TLCD5: variants seen among roughly 807,000 people sequenced by gnomAD.
TLCD5 encodes the protein TLC domain-containing protein 5.
In TLCD5, 15 loss-of-function variants were observed where a neutral mutation model predicts 20.5. The ratio of observed to expected loss-of-function variants is 0.73; its 90% CI spans 0.49 to 1.13. TLCD5 has a LOEUF of 1.13. Among genes scored for constraint, TLCD5 ranks in the 50% most tolerant of loss-of-function variants. TLCD5 has a pLI of 0.00. For synonymous variants in TLCD5, 107 were observed against 114.7 expected (o/e 0.93, Z 0.43); for missense variants, 289 against 305.6 (o/e 0.95, Z 0.41).
chr11:120,327,013 C>G (rs1178760198), intron 1 of TLCD5: 1 of 248,484 alleles, frequency 4.0e-6, no homozygotes, highest in Non-Finnish European at 7.8e-6. Context: ...CTAGCAGAAA[C>G]CAACGTGGCA....
rs1323568143 is a variant in TLCD5, at chr11:120,331,884, A to G, written c.*1369A>G. ...GCAGTTTAGATTTCAGCTCTGCTGT[A>G]CATATTGCAAACTAGAGCCAAAGAC... On this transcript the variant is annotated 3_prime_UTR_variant, in exon 3 of 3. Transcript: ENST00000375095. This position sits in a 1 kb window ranked among gnomAD's most constrained non-coding sequence, Gnocchi z 4.5. 2.6e-5 allele frequency: 4 copies of G among 152,222 alleles called. No individual in the cohort carries two copies. The highest frequency in any genetic ancestry group is 9.7e-5 in the African/African-American group (4 of 41,444). 9.4% of individuals were successfully genotyped at this position (152,222 alleles called of 1,614,324 possible).
Position 120,330,330 on chromosome 11 carries a change from G to A in TLCD5, c.553G>A (p.Val185Ile). The change falls in exon 3 of 3, where the codon GTC becomes ATC. Residue 185 changes from valine (V) to isoleucine (I), a missense_variant. Physicochemically the swap from Val to Ile is conservative, Grantham distance 29 (BLOSUM62 3). Coordinates refer to ENST00000375095, the MANE Select transcript of TLCD5 (RefSeq NM_001198671.2). ...AGCTTGCCTCCTTTTCTGTGAAATG[G>A]TCTCCCCCACGCCTAAGTGGTTTGT... ...VGACLLFCEM[V>I]SPTPKWFVKA... is the part of the protein sequence containing the mutation. The A allele has an allele frequency of 6.2e-7, 1 of 1,600,790 alleles. No individual in the cohort carries two copies. The highest frequency in any genetic ancestry group is 8.5e-7 in the Non-Finnish European group (1 of 1,172,568).
chr11:120,327,144 T>C, intron 1 of TLCD5: 1 of 556,902 alleles, frequency 1.8e-6, no homozygotes, highest in East Asian at 3.0e-5. Context: ...TAGAGGGTTA[T>C]TATTGACATT....
chr11:120,327,613 G>A lies in TLCD5; in HGVS notation c.172G>A (p.Asp58Asn). 1 of 1,614,136 alleles carries A rather than the reference G, an allele frequency of 6.2e-7. No homozygotes were observed. The highest frequency in any genetic ancestry group is 8.5e-7 in the Non-Finnish European group (1 of 1,180,028). ...IGLSAYIGFI[D>N]GPWPFTHPGS... ...CCTCTCCGCTTATATTGGCTTCATT[G>A]ATGGCCCATGGCCTTTTACCCACCC... Residue 58 changes from aspartate (D) to asparagine (N), a missense_variant, in exon 2 of 3, where the codon GAT becomes AAT. Asp to Asn is a conservative substitution (Grantham distance 23). Coordinates refer to ENST00000375095, the MANE Select transcript of TLCD5 (RefSeq NM_001198671.2).
At chr11:120,327,343 A>G (rs1263498019) in intron 1 of TLCD5, 98 bp from the exon 2 acceptor site, 1 of 1,592,870 alleles carries the variant, frequency 6.3e-7, no homozygotes, top group Admixed American at 1.7e-5. Flanking sequence ...TTTTTGAACT[A>G]TTCTATAATA....
chr11:120,325,880 A>T (rs775862944), intron 1 of TLCD5, among the ~76,000 whole-genome samples: 48 of 152,244 alleles, frequency 3.2e-4, no homozygotes, highest in Admixed American at 1.1e-3. Context: ...GTGTTTGTAA[A>T]TGGGCTACTG....
In TLCD5 at chr11:120,330,748, A is replaced by G. The variant is rs1368007280; in HGVS notation, c.*233A>G. 1.5e-5 allele frequency: 7 copies of G among 462,074 alleles called. No individual in the cohort carries two copies. In the Admixed American group the frequency reaches 2.6e-4, roughly 17 times the overall value. The allele number at this position is 462,074 out of a possible 1,614,324, so 28.6% of individuals were successfully genotyped here. On this transcript the variant is annotated 3_prime_UTR_variant, in exon 3 of 3. Coordinates refer to ENST00000375095, the MANE Select transcript of TLCD5 (RefSeq NM_001198671.2). ...ACTCCATGGTAGTTGGGAATAAGTG[A>G]GAACTGTGAAGTGAGTACAACTGGC...
chr11:120,325,552 G>A (rs1941977282), intron 1 of TLCD5, among the ~76,000 whole-genome samples, 184 bp downstream of exon 1: 1 of 152,114 alleles, frequency 6.6e-6, no homozygotes, highest in Admixed American at 6.5e-5. Flanking sequence ...GGATAACGGT[G>A]CCTGGCTCCG....
Position 120,328,917 on chromosome 11 carries a change from A to T in TLCD5, c.200-1060A>T, listed in dbSNP as rs867434237. The stretch of plus-strand genomic sequence containing the variant: ...AATCCCTTCTAAGGATAACAGTCAT[A>T]GTGTGTGTGTGTGTGTGTGTGTGTG... On this transcript the variant is annotated intron_variant, in intron 2 of 2. Coordinates refer to ENST00000375095, the MANE Select transcript of TLCD5 (RefSeq NM_001198671.2). Among the ~76,000 whole-genome samples the T allele has an allele frequency of 9.0e-4, 29 of 32,290 alleles. 1 individual carries two copies. The South Asian group carries it at 0.025, about 28-fold the overall frequency. 21.2% of individuals were successfully genotyped at this position (32,290 alleles called of 152,430 possible).
intron 2 of TLCD5, 64 bp downstream of exon 2, chr11:120,327,704 T>C (rs1164102351): frequency 2.7e-6 from 4 of 1,493,718 alleles, no homozygotes; most frequent in Non-Finnish European, 3.6e-6. Flanking sequence ...TATGGGACTT[T>C]TAAACAGAAT....
At chr11:120,328,228 C>T (rs982733418) in intron 2 of TLCD5, among the ~76,000 whole-genome samples, 2 of 151,930 alleles carry the variant, frequency 1.3e-5, no homozygotes, top group Non-Finnish European at 2.9e-5. Flanking sequence ...TACAGGTGCC[C>T]GCCACCATGC....
intron 2 of TLCD5, among the ~76,000 whole-genome samples, chr11:120,329,435 A>T (rs781782303): frequency 3.6e-4 from 55 of 152,186 alleles, no homozygotes; most frequent in Non-Finnish European, 7.1e-4. Flanking sequence ...GGTTTCAAAT[A>T]TGTCAGGTCC....
At chr11:120,328,298 G>T (rs1480390790) in intron 2 of TLCD5, among the ~76,000 whole-genome samples, 1 of 151,958 alleles carries the variant, frequency 6.6e-6, no homozygotes, top group East Asian at 1.9e-4. Context: ...AGTCAGGATG[G>T]TCTCGATCTC....
At chr11:120,327,954 A>C (rs1170101571) in intron 2 of TLCD5, among the ~76,000 whole-genome samples, 2 of 152,192 alleles carry the variant, frequency 1.3e-5, no homozygotes, top group African/African-American at 2.4e-5. Context: ...TGTATCATAC[A>C]TATTTTTGGC....
intron 2 of TLCD5, among the ~76,000 whole-genome samples, chr11:120,328,754 C>CA (rs1942063886): frequency 6.9e-6 from 1 of 144,090 alleles, no homozygotes; most frequent in African/African-American, 2.6e-5. Flanking sequence ...CTAAGGATAA[C>CA]AGTCATATTG....
chr11:120,328,677 TAGTGTG>T (rs1565399938), intron 2 of TLCD5, among the ~76,000 whole-genome samples: 6 of 91,764 alleles, frequency 6.5e-5, no homozygotes, highest in African/African-American at 3.0e-4. Context: ...ATAACAGTCA[TAGTGTG>T]TGTGTGTGTG....
rs1565404047 is a variant in TLCD5 at position 120,333,550 on chromosome 11, G to T, written c.*3035G>T. 1 of 152,152 alleles carries T rather than the reference G, an allele frequency of 6.6e-6. No individual in the cohort carries two copies. The highest frequency in any genetic ancestry group is 1.5e-5 in the Non-Finnish European group (1 of 68,030). The allele number at this position is 152,152 out of a possible 1,614,324, so 9.4% of individuals were successfully genotyped here. A position where few individuals can be genotyped will look rare whatever the true frequency, so the allele number is the denominator to read the frequency against. On this transcript the variant is annotated 3_prime_UTR_variant, in exon 3 of 3. Coordinates refer to ENST00000375095, the MANE Select transcript of TLCD5 (RefSeq NM_001198671.2). This position sits in a 1 kb window ranked among gnomAD's most constrained non-coding sequence, Gnocchi z 4.5. ...TAAATGAAGGGCTAATTAATGTGTG[G>T]TATACTTGGACAAAATGAAGTACTC...
chr11:120,328,922 GTGTGTGTGTGTGTGTGTGTGTGTT>G (rs1942078464), intron 2 of TLCD5, among the ~76,000 whole-genome samples: 3 of 137,620 alleles, frequency 2.2e-5, no homozygotes, highest in Admixed American at 7.0e-5. Flanking sequence ...GTCATAGTGT[GTGTGTGTGTGTGTGTGTGTGTGTT>G]TGTGTATGTT....
intron 2 of TLCD5, 114 bp from the exon 3 acceptor site, chr11:120,329,863 T>C (rs1159494872): frequency 9.7e-7 from 1 of 1,029,120 alleles, no homozygotes; most frequent in Non-Finnish European, 1.4e-6. Flanking sequence ...GTGCCTGCTA[T>C]TGTTTTTGTT....
Sources: gnomAD v4.1 joint callset for allele counts (sites outside exome capture counted in the v4.1 genomes callset) on GRCh38, gnomAD v4.1.1 for gene constraint, Gnocchi (gnomAD v3.1) non-coding constraint, MANE v1.5 for transcripts, NCBI Gene and HGNC (gene_info 2026-07-23, HGNC 2026-07-21) for gene names.